Variants in FBXL13 observed in about 807,000 individuals in gnomAD.
FBXL13 encodes F-box and leucine rich repeat protein 13, also known as F-box and leucine-rich repeat protein 13.
A neutral mutation model predicts 83.6 loss-of-function variants in FBXL13; 67 were observed. The ratio of observed to expected loss-of-function variants is 0.80; its 90% confidence interval spans 0.66 to 0.98. The LOEUF (loss-of-function observed/expected upper bound fraction) is 0.98. FBXL13 is among the 50% of genes least tolerant of loss of function. The probability of loss-of-function intolerance (pLI) is 0.00; values close to 1 mark genes in which losing one functional copy is unlikely to be tolerated. For missense variants in FBXL13, 822 were observed against 866.5 expected (o/e 0.95, Z 0.64); for synonymous variants, 272 against 299.5 (o/e 0.91, Z 0.95).
chr7:103,024,484 A>C (rs1313043605), intron 6 of FBXL13, among the ~76,000 whole-genome samples: 3 of 141,482 alleles, frequency 2.1e-5, no homozygotes, highest in Admixed American at 1.6e-4. Flanking sequence ...CTGAGATTGC[A>C]CCAATGCACT....
At chr7:102,938,020 A>C (rs1256217820) in intron 8 of FBXL13, among the ~76,000 whole-genome samples, 3 of 152,256 alleles carry the variant, frequency 2.0e-5, no homozygotes, top group Non-Finnish European at 2.9e-5. Flanking sequence ...TTTTGCCTTA[A>C]ATATCTAATG....
chr7:102,864,315 T>C (rs6465878), intron 16 of FBXL13, among the ~76,000 whole-genome samples: 37,068 of 151,896 alleles, frequency 0.24, 5,296 homozygotes, highest in East Asian at 0.59. Flanking sequence ...TTCAGCTGCA[T>C]CCCAAAAGCT....
At chr7:102,984,928 A>G (rs1020119301) in intron 6 of FBXL13, among the ~76,000 whole-genome samples, 85 of 152,352 alleles carry the variant, frequency 5.6e-4, no homozygotes, top group African/African-American at 1.8e-3. Context: ...TGCACAGGAC[A>G]TACTTACACC....
At chr7:103,028,692 T>C (rs1200432378) in exon 4 of FBXL13, 1 of 1,601,800 alleles carries the variant, frequency 6.2e-7, no homozygotes. Flanking sequence ...CACTGCTCTG[T>C]TCATTTTTTC....
intron 2 of FBXL13, among the ~76,000 whole-genome samples, chr7:103,040,604 C>T (rs1372391818): frequency 6.6e-6 from 1 of 152,250 alleles, no homozygotes. Flanking sequence ...TGTAAAAGAA[C>T]AGAAATCACA....
chr7:102,842,818 C>T (rs75005136), intron 17 of FBXL13, among the ~76,000 whole-genome samples: 1,698 of 152,290 alleles, frequency 0.011, 74 homozygotes, highest in East Asian at 0.074. Flanking sequence ...GTCCAGAGTA[C>T]AAGACTCAGA....
intron 11 of FBXL13, among the ~76,000 whole-genome samples, chr7:102,910,457 A>G (rs191840034): frequency 1.3e-5 from 2 of 151,410 alleles, no homozygotes; most frequent in Admixed American, 6.6e-5. Context: ...GATGCCTGGG[A>G]AAAGCTCTCA....
intron 9 of FBXL13, among the ~76,000 whole-genome samples, chr7:102,931,657 G>T (rs561261178): frequency 1.3e-5 from 2 of 152,142 alleles, no homozygotes; most frequent in Non-Finnish European, 2.9e-5. Flanking sequence ...GGTAGTCATT[G>T]AAGAATTTCT....
intron 11 of FBXL13, among the ~76,000 whole-genome samples, chr7:102,886,035 C>T (rs114558019): frequency 0.014 from 2,140 of 152,206 alleles, 31 homozygotes; most frequent in African/African-American, 0.049. Context: ...TTTGTAGTAC[C>T]GATTTCTTTC....
In FBXL13 at chr7:102,879,439, ATGTG is replaced by A. The variant is rs139051886; in HGVS notation, c.1389-993_1389-990del. On this transcript the variant is annotated intron_variant, in intron 14 of 19. Coordinates refer to ENST00000313221, the Ensembl canonical transcript of FBXL13. ...CCAGCACCTAGGAAAGCAGTTAAGGATGTGTGTGTGTGTGTGTGTGTGTGTGTGT... is the reference window on the plus strand; with the variant it reads ...CCAGCACCTAGGAAAGCAGTTAAGGATGTGTGTGTGTGTGTGTGTGTGTGT... Among the ~76,000 whole-genome samples the A allele has an allele frequency of 6.0e-4, 87 of 144,788 alleles. No individual in the cohort carries two copies. In the South Asian group the frequency reaches 7.4e-3, roughly 12 times the overall value. The allele number at this position is 144,788 out of a possible 152,430, so 95.0% of individuals were successfully genotyped here.
intron 11 of FBXL13, among the ~76,000 whole-genome samples, chr7:102,903,088 C>T (rs1177614474): frequency 6.6e-6 from 1 of 152,000 alleles, no homozygotes; most frequent in Non-Finnish European, 1.5e-5. Context: ...TTGGTGTCCT[C>T]TTTAATTTAT....
intron 8 of FBXL13, among the ~76,000 whole-genome samples, chr7:102,939,196 T>C (rs1368764966): frequency 2.0e-5 from 3 of 152,208 alleles, no homozygotes; most frequent in Non-Finnish European, 2.9e-5. Flanking sequence ...TATAGGGCCT[T>C]AGTGAGGACT....
intron 2 of FBXL13, among the ~76,000 whole-genome samples, chr7:103,045,978 T>C (rs575067374): frequency 6.6e-6 from 1 of 152,334 alleles, no homozygotes; most frequent in South Asian, 2.1e-4. Context: ...GGTGGCTGCA[T>C]GCAAGATTTA....
chr7:102,944,206 C>G (rs1413431020), intron 8 of FBXL13: 1 of 1,593,652 alleles, frequency 6.3e-7, no homozygotes, highest in Non-Finnish European at 8.5e-7. Context: ...TTTTCTGTTT[C>G]CAGCCGCTTT....
chr7:102,937,509 A>AAAAG (rs1342848318), intron 8 of FBXL13, among the ~76,000 whole-genome samples: 1 of 151,312 alleles, frequency 6.6e-6, no homozygotes, highest in East Asian at 1.9e-4. Flanking sequence ...TCTGTCTCAA[A>AAAAG]AAAAAAAAAA....
rs908634721 is a variant in FBXL13, at chr7:102,939,568, T to C, written c.725-7635A>G. The stretch of plus-strand genomic sequence containing the variant: ...AAATTAAACCTCAGCAGCAATGGCA[T>C]TGAATTCATCGATCCTGGTAAGTTC... On this transcript the variant is annotated intron_variant, in intron 8 of 19. Transcript: ENST00000313221. 3.1e-6 allele frequency: 5 copies of C among 1,613,542 alleles called. No individual in the cohort carries two copies. Among genetic ancestry groups the C allele is most frequent in the African/African-American group, 2.7e-5 (2 of 74,904 alleles).
chr7:103,044,661 T>A (rs1796091827), intron 2 of FBXL13, among the ~76,000 whole-genome samples: 1 of 152,240 alleles, frequency 6.6e-6, no homozygotes, highest in Non-Finnish European at 1.5e-5. Flanking sequence ...CTTCTACTTC[T>A]GTGTTATATT....
chr7:102,821,789 A>C (rs1798840633), intron 19 of FBXL13, among the ~76,000 whole-genome samples: 1 of 152,224 alleles, frequency 6.6e-6, no homozygotes, highest in Non-Finnish European at 1.5e-5. Flanking sequence ...AGCTAGAGTT[A>C]AAGCTTTGGA....
At chr7:102,959,670 T>C (rs1263990080) in intron 8 of FBXL13, among the ~76,000 whole-genome samples, 1 of 152,044 alleles carries the variant, frequency 6.6e-6, no homozygotes, top group Non-Finnish European at 1.5e-5. Flanking sequence ...TTTATTTCAT[T>C]TCCAGAAATA....
Sources: allele counts gnomAD v4.1 joint callset (sites outside exome capture counted in the v4.1 genomes callset), GRCh38; gene constraint gnomAD v4.1.1; transcripts MANE v1.5; gene names NCBI Gene and HGNC (gene_info 2026-07-23, HGNC 2026-07-21).